BABAM2: variants seen among roughly 807,000 people sequenced by gnomAD.
The protein encoded by BABAM2 is BRISC and BRCA1-A complex member 2.
Under a neutral mutation model 54.7 loss-of-function variants are expected in BABAM2, and 31 were observed. The ratio of observed to expected loss-of-function variants is 0.57; its 90% CI spans 0.43 to 0.77. BABAM2 has a LOEUF of 0.77. Ranked by LOEUF, BABAM2 falls within the 30% of genes least tolerant of loss-of-function variation. The pLI, the probability that BABAM2 is intolerant of heterozygous loss-of-function variation, is 0.00. For missense variants in BABAM2, 364 were observed against 455.8 expected (o/e 0.80, Z 1.83); for synonymous variants, 167 against 162.9 (o/e 1.03, Z -0.19).
chr2:28,327,260 A>G, intron 11 of BABAM2: 1 of 1,592,680 alleles, frequency 6.3e-7, no homozygotes, highest in Admixed American at 1.7e-5. Flanking sequence ...CCTCCTTCTC[A>G]TCTGCTGCAC....
At chr2:28,326,547 C>T (rs1690476694) in intron 11 of BABAM2, among the ~76,000 whole-genome samples, 1 of 152,216 alleles carries the variant, frequency 6.6e-6, no homozygotes, top group African/African-American at 2.4e-5. Flanking sequence ...TTCCCAGCCT[C>T]TCTCAGTGCC....
intron 7 of BABAM2, among the ~76,000 whole-genome samples, chr2:28,205,240 G>A (rs994679982): frequency 1.3e-5 from 2 of 152,090 alleles, no homozygotes; most frequent in South Asian, 2.1e-4. Context: ...GGTGGCTCAC[G>A]CCTGTAATCC....
chr2:28,151,062 TTAA>T (rs1335197185), intron 7 of BABAM2, among the ~76,000 whole-genome samples: 1 of 152,136 alleles, frequency 6.6e-6, no homozygotes, highest in African/African-American at 2.4e-5. Context: ...TCGATAGTAG[TTAA>T]TGATGGATGA....
At chr2:27,899,702 G>A (rs1665634235) in intron 2 of BABAM2, among the ~76,000 whole-genome samples, 1 of 152,030 alleles carries the variant, frequency 6.6e-6, no homozygotes, top group Non-Finnish European at 1.5e-5. Flanking sequence ...CCTGACCTCA[G>A]GTGATCTACC....
intron 7 of BABAM2, among the ~76,000 whole-genome samples, chr2:28,208,784 A>G (rs1573847051): frequency 6.6e-6 from 1 of 152,174 alleles, no homozygotes; most frequent in Non-Finnish European, 1.5e-5. Context: ...GGATTTCACA[A>G]ATCTTCCTAG....
At chr2:27,927,260 T>C (rs905405576) in intron 2 of BABAM2, among the ~76,000 whole-genome samples, 2 of 152,158 alleles carry the variant, frequency 1.3e-5, no homozygotes, top group African/African-American at 4.8e-5. Flanking sequence ...CAATTTGTCA[T>C]TGAAGAAGGA....
intron 3 of BABAM2, among the ~76,000 whole-genome samples, chr2:27,971,128 G>A (rs774471646): frequency 2.2e-4 from 33 of 152,024 alleles, no homozygotes; most frequent in Admixed American, 3.9e-4. Context: ...TAATGAATTA[G>A]TGATCTGTGA....
At chr2:28,046,599 C>CA (rs1677597527) in intron 6 of BABAM2, among the ~76,000 whole-genome samples, 1 of 152,054 alleles carries the variant, frequency 6.6e-6, no homozygotes, top group South Asian at 2.1e-4. Context: ...TGATGTTGTT[C>CA]AGAGAATTAA....
intron 3 of BABAM2, among the ~76,000 whole-genome samples, chr2:27,962,111 G>C (rs931133120): frequency 1.3e-5 from 2 of 149,246 alleles, no homozygotes; most frequent in African/African-American, 4.9e-5. Context: ...ATTTTTGTTT[G>C]TTTCTTTTTT....
chr2:28,100,472 A>T (rs1666988663), intron 6 of BABAM2, among the ~76,000 whole-genome samples: 1 of 151,358 alleles, frequency 6.6e-6, no homozygotes, highest in African/African-American at 2.4e-5. Context: ...CAAAAAAAAA[A>T]AAAAAAAAAA....
chr2:28,130,255 C>G (rs1303418293), intron 7 of BABAM2, among the ~76,000 whole-genome samples: 1 of 152,080 alleles, frequency 6.6e-6, no homozygotes, highest in Non-Finnish European at 1.5e-5. Context: ...AAATACTGAG[C>G]CATTTTTACC....
chr2:28,273,077 G>A (rs1318847005), intron 10 of BABAM2, among the ~76,000 whole-genome samples: 2 of 152,186 alleles, frequency 1.3e-5, no homozygotes, highest in African/African-American at 2.4e-5. Flanking sequence ...GAGCTGATAC[G>A]ACGTCCCTGT....
intron 5 of BABAM2, 88 bp from the exon 6 acceptor site, chr2:28,045,637 A>G (rs1573466004): frequency 2.7e-6 from 3 of 1,107,396 alleles, no homozygotes; most frequent in East Asian, 5.3e-5. Context: ...TGCATTTTGA[A>G]CAGGTTGAAC....
intron 10 of BABAM2, among the ~76,000 whole-genome samples, chr2:28,245,067 C>T (rs1029844569): frequency 2.0e-5 from 3 of 151,848 alleles, no homozygotes; most frequent in Admixed American, 6.6e-5. Context: ...CCTCAGGGGA[C>T]GTTTGGCAAT....
chr2:28,019,303 A>G (rs1675081926), intron 4 of BABAM2, among the ~76,000 whole-genome samples: 2 of 151,936 alleles, frequency 1.3e-5, no homozygotes, highest in South Asian at 2.1e-4. Context: ...TAGTGCTGCA[A>G]TAAACATAGG....
intron 11 of BABAM2, among the ~76,000 whole-genome samples, chr2:28,305,389 C>A (rs188196952): frequency 5.9e-5 from 9 of 151,988 alleles, no homozygotes; most frequent in African/African-American, 1.9e-4. Context: ...CAAAGATAAA[C>A]CCTTCTCGGT....
At chr2:27,948,733 T>C (rs562986782) in intron 3 of BABAM2, among the ~76,000 whole-genome samples, 31 of 152,188 alleles carry the variant, frequency 2.0e-4, no homozygotes, top group Middle Eastern at 3.4e-3. Context: ...ATCACGCCAC[T>C]GCACTCCAGC....
chr2:28,205,583 C>T (rs765414236), intron 7 of BABAM2, among the ~76,000 whole-genome samples: 6 of 152,138 alleles, frequency 3.9e-5, no homozygotes, highest in Non-Finnish European at 7.3e-5. Context: ...GGGAGATTAA[C>T]TTGCCCAAGT....
At chr2:28,016,013 T>A (rs1423308877) in intron 4 of BABAM2, 2 of 621,240 alleles carry the variant, frequency 3.2e-6, no homozygotes, top group African/African-American at 3.7e-5. Flanking sequence ...TTCTTTTTCT[T>A]TTTTAAATTA....
Sources: allele counts gnomAD v4.1 joint callset (sites outside exome capture counted in the v4.1 genomes callset), GRCh38; gene constraint gnomAD v4.1.1; transcripts MANE v1.5; gene names NCBI Gene and HGNC (gene_info 2026-07-23, HGNC 2026-07-21).